ADGRB3: variants seen among roughly 807,000 people sequenced by gnomAD.
ADGRB3 encodes the protein adhesion G protein-coupled receptor B3.
A neutral mutation model predicts 193.4 loss-of-function variants in ADGRB3; 37 were observed. The observed-to-expected ratio is 0.19, with a 90% confidence interval of 0.15 to 0.25. The LOEUF is 0.25. ADGRB3 is among the 10% of genes least tolerant of loss of function. The pLI is 1.00. For missense variants in ADGRB3, 1,637 were observed against 1,852.9 expected, an observed-to-expected ratio of 0.88 and a Z score of 2.14; for synonymous variants, 690 against 644.2, an observed-to-expected ratio of 1.07 and a Z score of -1.08.
chr6:69,040,706 A>AAAAAAAAAAAAAAAAAAAT (rs1771037463), intron 13 of ADGRB3, among the ~76,000 whole-genome samples: 1 of 110,380 alleles, frequency 9.1e-6, no homozygotes, highest in African/African-American at 3.7e-5. Flanking sequence ...AAAAAAAAAA[A>AAAAAAAAAAAAAAAAAAAT]AAACAAACAA....
intron 17 of ADGRB3, among the ~76,000 whole-genome samples, chr6:69,096,958 A>G (rs1307182319): frequency 6.6e-6 from 1 of 152,224 alleles, no homozygotes; most frequent in Non-Finnish European, 1.5e-5. Flanking sequence ...AAGTGAAATC[A>G]CATTTTCTCT....
At chr6:69,000,267 C>T (rs1219421919) in intron 11 of ADGRB3, among the ~76,000 whole-genome samples, 1 of 152,158 alleles carries the variant, frequency 6.6e-6, no homozygotes, top group Non-Finnish European at 1.5e-5. Flanking sequence ...ACAGCAGACA[C>T]TGAATTAACA....
At chr6:69,043,290 G>GAGAGAAAGAAAGAAAGAAAGAAAGAT (rs1554252049) in intron 13 of ADGRB3, among the ~76,000 whole-genome samples, 1 of 88,032 alleles carries the variant, frequency 1.1e-5, no homozygotes, top group Non-Finnish European at 2.3e-5. Flanking sequence ...GGAAGAAAGA[G>GAGAGAAAGAAAGAAAGAAAGAAAGAT]AGAAAGAAAG....
chr6:68,771,391 C>G (rs5012699), intron 3 of ADGRB3, among the ~76,000 whole-genome samples: 1 of 122,498 alleles, frequency 8.2e-6, no homozygotes, highest in African/African-American at 2.6e-5. Flanking sequence ...TATATACACA[C>G]ACACACACAC....
intron 3 of ADGRB3, among the ~76,000 whole-genome samples, chr6:68,669,841 T>C (rs2127293611): frequency 6.6e-6 from 1 of 152,018 alleles, no homozygotes; most frequent in South Asian, 2.1e-4. Flanking sequence ...TTACAGAACA[T>C]CCAAACTGTT....
At chr6:68,743,433 G>A (rs1766021095) in intron 3 of ADGRB3, among the ~76,000 whole-genome samples, 1 of 151,294 alleles carries the variant, frequency 6.6e-6, no homozygotes, top group Non-Finnish European at 1.5e-5. Flanking sequence ...TTTCTGTTCG[G>A]GAAGTTTCCT....
intron 3 of ADGRB3, among the ~76,000 whole-genome samples, chr6:68,927,373 A>G (rs1029675916): frequency 5.3e-5 from 8 of 152,156 alleles, no homozygotes; most frequent in Non-Finnish European, 1.0e-4. Flanking sequence ...CTACTATGCT[A>G]AAAGTTTACC....
chr6:69,191,376 T>C (rs1044132016), intron 17 of ADGRB3, among the ~76,000 whole-genome samples: 3 of 152,298 alleles, frequency 2.0e-5, no homozygotes, highest in African/African-American at 7.2e-5. Flanking sequence ...AATATTTATT[T>C]TGGCAAACAC....
chr6:68,968,734 C>T (rs1329594983), intron 8 of ADGRB3, among the ~76,000 whole-genome samples: 1 of 152,036 alleles, frequency 6.6e-6, no homozygotes, highest in South Asian at 2.1e-4. Context: ...TATGTAATAA[C>T]CTATTCATGA....
intron 3 of ADGRB3, among the ~76,000 whole-genome samples, chr6:68,657,515 T>C (rs1768518919): frequency 6.6e-6 from 1 of 151,428 alleles, no homozygotes; most frequent in South Asian, 2.1e-4. Context: ...CAGATTGGTG[T>C]CTGTCCTCCT....
intron 3 of ADGRB3, among the ~76,000 whole-genome samples, chr6:68,812,114 T>C (rs1364332281): frequency 6.6e-6 from 1 of 152,150 alleles, no homozygotes; most frequent in East Asian, 1.9e-4. Flanking sequence ...GTTTGTGGTA[T>C]GTAATGTGTT....
chr6:69,120,965 A>ATT, intron 17 of ADGRB3, among the ~76,000 whole-genome samples: 1 of 150,438 alleles, frequency 6.6e-6, no homozygotes, highest in Non-Finnish European at 1.5e-5. Context: ...AACTGTTTCG[A>ATT]TATGAATTTG....
chr6:68,896,423 A>G (rs919002800), intron 3 of ADGRB3, among the ~76,000 whole-genome samples: 3 of 152,126 alleles, frequency 2.0e-5, no homozygotes, highest in African/African-American at 4.8e-5. Context: ...TTTATAGAGG[A>G]GAAAAATAGC....
intron 17 of ADGRB3, among the ~76,000 whole-genome samples, chr6:69,100,905 C>G (rs114245485): frequency 0.068 from 710 of 10,432 alleles, 4 homozygotes; most frequent in South Asian, 0.094. Context: ...AAGGAAGAAG[C>G]GAGGGAGGGA....
intron 17 of ADGRB3, among the ~76,000 whole-genome samples, chr6:69,127,723 T>A (rs1773891599): frequency 6.6e-6 from 1 of 152,192 alleles, no homozygotes; most frequent in Non-Finnish European, 1.5e-5. Flanking sequence ...TATACTAACC[T>A]CTTATTTAGG....
chr6:69,070,181 G>A (rs1387311735), intron 16 of ADGRB3, among the ~76,000 whole-genome samples: 1 of 152,130 alleles, frequency 6.6e-6, no homozygotes, highest in Admixed American at 6.6e-5. Flanking sequence ...CCACTGAAAA[G>A]AGATTATTTT....
At chr6:69,123,692 A>T (rs189297431) in intron 17 of ADGRB3, among the ~76,000 whole-genome samples, 4 of 152,314 alleles carry the variant, frequency 2.6e-5, no homozygotes, top group African/African-American at 9.6e-5. Context: ...TTGAGAGTAG[A>T]CTTCATGGGA....
chr6:69,178,915 A>T (rs1775506502), intron 17 of ADGRB3, among the ~76,000 whole-genome samples: 1 of 152,086 alleles, frequency 6.6e-6, no homozygotes, highest in Non-Finnish European at 1.5e-5. Flanking sequence ...CCTGGTGACT[A>T]TATCCTTTGT....
intron 25 of ADGRB3, 75 bp downstream of exon 25, chr6:69,339,089 A>T: frequency 6.6e-7 from 1 of 1,519,082 alleles, no homozygotes; most frequent in Non-Finnish European, 9.1e-7. Context: ...TGATGAAAAA[A>T]AATTGTGTTT....
Sources: allele counts gnomAD v4.1 joint callset (sites outside exome capture counted in the v4.1 genomes callset), GRCh38; gene constraint gnomAD v4.1.1; transcripts MANE v1.5; gene names NCBI Gene and HGNC (gene_info 2026-07-23, HGNC 2026-07-21).